Variants in MYOM1 observed in about 807,000 individuals in gnomAD.
MYOM1 encodes myomesin-1.
MYOM1 carries 164 observed loss-of-function variants against 205.3 expected under a neutral mutation model. The ratio of observed to expected loss-of-function variants is 0.80; its 90% CI spans 0.70 to 0.91. The LOEUF (loss-of-function observed/expected upper bound fraction) is 0.91, where lower values mean the gene tolerates loss of function less well. MYOM1 is among the 40% of genes least tolerant of loss of function. The pLI is 0.00. For missense variants in MYOM1, 2,011 were observed against 2,127.3 expected (o/e 0.95, Z 1.08); for synonymous variants, 772 against 789.4 (o/e 0.98, Z 0.37).
chr18:3,156,821 G>A (rs1422306941), intron 10 of MYOM1, among the ~76,000 whole-genome samples: 3 of 152,102 alleles, frequency 2.0e-5, no homozygotes, highest in African/African-American at 7.2e-5. Context: ...GTATTAGCCA[G>A]GATGGTCTCG....
intron 12 of MYOM1, among the ~76,000 whole-genome samples, chr18:3,151,432 A>C (rs183007301): frequency 0.013 from 1,954 of 149,158 alleles, 33 homozygotes; most frequent in African/African-American, 0.044. Flanking sequence ...ATGTTTCTGA[A>C]TAAAATAAAA....
intron 21 of MYOM1, 84 bp downstream of exon 21, chr18:3,116,247 T>G: frequency 7.3e-7 from 1 of 1,371,334 alleles, no homozygotes. Context: ...AAAGCGGAGA[T>G]ATTCTGTTTT....
At chr18:3,109,381 G>A (rs946830753) in intron 22 of MYOM1, among the ~76,000 whole-genome samples, 1 of 152,124 alleles carries the variant, frequency 6.6e-6, no homozygotes, top group Non-Finnish European at 1.5e-5. Flanking sequence ...TGCCTAAAGA[G>A]GCATATTCTC....
intron 27 of MYOM1, 93 bp from the exon 28 acceptor site, chr18:3,089,689 G>T: frequency 1.1e-6 from 1 of 935,452 alleles, no homozygotes; most frequent in Non-Finnish European, 1.6e-6. Context: ...ATTCATTATT[G>T]TAACACTCAT....
chr18:3,138,173 T>A (rs1224876273), intron 14 of MYOM1, among the ~76,000 whole-genome samples: 3 of 152,212 alleles, frequency 2.0e-5, no homozygotes, highest in Non-Finnish European at 4.4e-5. Context: ...CTATTTTAAT[T>A]TCCAACTTTG....
At chr18:3,125,454 T>A (rs2079765074) in intron 19 of MYOM1, among the ~76,000 whole-genome samples, 1 of 151,826 alleles carries the variant, frequency 6.6e-6, no homozygotes, top group Admixed American at 6.6e-5. Flanking sequence ...CAGGGAAGAA[T>A]CTTAAAAATA....
intron 22 of MYOM1, among the ~76,000 whole-genome samples, chr18:3,102,864 G>A (rs1047980748): frequency 1.3e-5 from 2 of 152,234 alleles, no homozygotes; most frequent in African/African-American, 4.8e-5. Flanking sequence ...ACCATGGACA[G>A]TATTGTTTGT....
the MYOM1 span, among the ~76,000 whole-genome samples, chr18:3,225,201 A>C: frequency 2.2e-5 from 3 of 139,320 alleles, no homozygotes; most frequent in African/African-American, 8.0e-5. Flanking sequence ...GTTAGCCAGG[A>C]TGGTCTCGAT....
Position 3,119,784 on chromosome 18 carries a change from T to C in MYOM1, c.3118+85A>G, listed in dbSNP as rs2143832372. The C allele has an allele frequency of 3.3e-6, 5 of 1,506,836 alleles. No homozygotes were observed. The Admixed American group carries it at 8.5e-5, about 25-fold the overall frequency. The allele number at this position is 1,506,836 out of a possible 1,614,324, so 93.3% of individuals were successfully genotyped here. ...TCTTTTCCCTTAAATATTGACCATA[T>C]AGTACTTTGAATTTCATTCCAGGTT... On this transcript the variant is annotated intron_variant, in intron 20 of 37. Coordinates refer to ENST00000356443, the MANE Select transcript of MYOM1 (RefSeq NM_003803.4).
At chr18:3,240,070 A>G in the MYOM1 span, among the ~76,000 whole-genome samples, 498 of 152,330 alleles carry the variant, frequency 3.3e-3, 6 homozygotes, top group African/African-American at 0.012. Context: ...AGCATCGACT[A>G]TAATTTTTGT....
the MYOM1 span, among the ~76,000 whole-genome samples, chr18:3,239,035 G>A: frequency 6.6e-6 from 1 of 152,160 alleles, no homozygotes; most frequent in African/African-American, 2.4e-5. Flanking sequence ...CTTCTCCCTT[G>A]ATTCTCCTCT....
chr18:3,243,060 C>G, the MYOM1 span, among the ~76,000 whole-genome samples: 1 of 152,048 alleles, frequency 6.6e-6, no homozygotes, highest in African/African-American at 2.4e-5. Flanking sequence ...TTTATCATCC[C>G]TGACTTTAAT....
chr18:3,217,265 A>T (rs1006270226), intron 1 of MYOM1: 3 of 152,346 alleles, frequency 2.0e-5, no homozygotes, highest in African/African-American at 7.2e-5. Flanking sequence ...GGTAGCAGCG[A>T]AAGTGTGAGA....
chr18:3,133,290 C>T (rs533460661), intron 16 of MYOM1, among the ~76,000 whole-genome samples: 5 of 152,096 alleles, frequency 3.3e-5, no homozygotes, highest in East Asian at 3.9e-4. Flanking sequence ...TTGGGGTCCT[C>T]GGACTGAGAA....
intron 8 of MYOM1, among the ~76,000 whole-genome samples, chr18:3,173,092 T>C (rs35335928): frequency 0.32 from 48,764 of 152,048 alleles, 7,947 homozygotes; most frequent in African/African-American, 0.36. Context: ...CTACCTTTTT[T>C]AGTCTGACCA....
Position 3,067,370 on chromosome 18 carries a change from G to A in MYOM1, c.4950C>T (p.Asn1650=), listed in dbSNP as rs1182102016. Reference sequence around the variant, plus strand: ...AGTCGCTGGTCTCCGAGCCATACTTGTTCTTCACAACCAGCCCGTATTTGC... The same window carrying A: ...AGTCGCTGGTCTCCGAGCCATACTTATTCTTCACAACCAGCCCGTATTTGC... ...DSGKYGLVVK[N]KYGSETSDFT... Residue 1650 remains asparagine (N), a synonymous_variant, in exon 38 of 38, where the codon AAC becomes AAT. Coordinates refer to ENST00000356443, the MANE Select transcript of MYOM1 (RefSeq NM_003803.4). 6.2e-7 allele frequency: 1 copy of A among 1,612,960 alleles called. No homozygotes were observed. The highest frequency in any genetic ancestry group is 8.5e-7 in the Non-Finnish European group (1 of 1,179,900).
intron 5 of MYOM1, 104 bp downstream of exon 5, chr18:3,187,376 G>C: frequency 3.2e-6 from 4 of 1,256,912 alleles, no homozygotes; most frequent in Non-Finnish European, 4.5e-6. Flanking sequence ...CAATCTTGTA[G>C]ATGTCTTCAT....
intron 33 of MYOM1, among the ~76,000 whole-genome samples, chr18:3,082,684 C>CT (rs1387995628): frequency 6.6e-6 from 1 of 152,118 alleles, no homozygotes; most frequent in African/African-American, 2.4e-5. Context: ...TCTCTTTCAG[C>CT]TCAGGATATT....
chr18:3,178,877 T>C (rs1054062126), intron 5 of MYOM1, among the ~76,000 whole-genome samples: 1 of 151,914 alleles, frequency 6.6e-6, no homozygotes, highest in African/African-American at 2.4e-5. Flanking sequence ...ACATTTACTT[T>C]TTTTTTTTGA....
Sources: allele counts gnomAD v4.1 joint callset (sites outside exome capture counted in the v4.1 genomes callset), GRCh38; gene constraint gnomAD v4.1.1; transcripts MANE v1.5; gene names NCBI Gene and HGNC (gene_info 2026-07-23, HGNC 2026-07-21).